Variants in ATRNL1 observed in about 807,000 individuals in gnomAD.
ATRNL1 encodes attractin like 1, also known as attractin-like protein 1.
A neutral mutation model predicts 182.7 loss-of-function variants in ATRNL1; 95 were observed. The ratio of observed to expected loss-of-function variants is 0.52; its 90% CI spans 0.44 to 0.62. ATRNL1 has a LOEUF of 0.62. Among genes scored for constraint, ATRNL1 ranks in the 20% least tolerant of loss-of-function variants. ATRNL1 has a pLI of 0.00. For synonymous variants in ATRNL1, 576 were observed against 568.3 expected (o/e 1.01, Z -0.19); for missense variants, 1,471 against 1,679.5 (o/e 0.88, Z 2.17).
chr10:115,405,274 G>C (rs1008957788), intron 20 of ATRNL1, among the ~76,000 whole-genome samples: 2 of 152,072 alleles, frequency 1.3e-5, no homozygotes, highest in Admixed American at 6.6e-5. Context: ...AAATATATCT[G>C]GTATATGTGT....
At chr10:115,491,913 G>A (rs549433883) in intron 24 of ATRNL1, among the ~76,000 whole-genome samples, 8 of 152,316 alleles carry the variant, frequency 5.3e-5, no homozygotes, top group Middle Eastern at 3.4e-3. Context: ...TGCTGGTTGC[G>A]TAGACTGTGG....
chr10:115,265,085 C>A (rs1851551273), intron 10 of ATRNL1, 108 bp from the exon 11 acceptor site: 1 of 557,438 alleles, frequency 1.8e-6, no homozygotes, highest in Non-Finnish European at 3.0e-6. Flanking sequence ...TTTTTTGCTT[C>A]CTGCTTATGC....
chr10:115,692,279 C>G (rs544037880), intron 26 of ATRNL1, among the ~76,000 whole-genome samples: 1 of 152,242 alleles, frequency 6.6e-6, no homozygotes, highest in Admixed American at 6.5e-5. Flanking sequence ...CTTTGAGGAT[C>G]TAATTGCAGA....
intron 5 of ATRNL1, among the ~76,000 whole-genome samples, chr10:115,152,644 A>G (rs1291796615): frequency 6.6e-6 from 1 of 152,220 alleles, no homozygotes; most frequent in African/African-American, 2.4e-5. Context: ...TAAATATACA[A>G]TCATGTCATC....
intron 28 of ATRNL1, among the ~76,000 whole-genome samples, chr10:115,928,699 G>A (rs561877673): frequency 3.3e-5 from 5 of 151,852 alleles, no homozygotes; most frequent in Admixed American, 1.3e-4. Context: ...AAGTAAAACA[G>A]ATTTTTTTTA....
intron 21 of ATRNL1, among the ~76,000 whole-genome samples, chr10:115,445,002 A>T (rs1846889418): frequency 6.6e-6 from 1 of 151,776 alleles, no homozygotes; most frequent in African/African-American, 2.4e-5. Flanking sequence ...AAGTGCTGGG[A>T]TTACAGGCTT....
At chr10:115,136,891 A>G (rs1845538697) in intron 5 of ATRNL1, among the ~76,000 whole-genome samples, 1 of 152,204 alleles carries the variant, frequency 6.6e-6, no homozygotes, top group Non-Finnish European at 1.5e-5. Flanking sequence ...AAATTTTAGT[A>G]AGTCACCTGA....
At chr10:115,658,872 C>A (rs11197387) in intron 26 of ATRNL1, among the ~76,000 whole-genome samples, 1,773 of 152,208 alleles carry the variant, frequency 0.012, 36 homozygotes, top group African/African-American at 0.04. Context: ...ATGGCTGTGG[C>A]GGCCTCGGGA....
At chr10:115,583,610 A>G (rs185961413) in intron 26 of ATRNL1, among the ~76,000 whole-genome samples, 2,760 of 131,934 alleles carry the variant, frequency 0.021, 168 homozygotes, top group East Asian at 0.15. Flanking sequence ...TGTATCCTGA[A>G]ACTTCGCTGA....
intron 25 of ATRNL1, among the ~76,000 whole-genome samples, chr10:115,537,517 G>C (rs1852101491): frequency 6.6e-6 from 1 of 152,050 alleles, no homozygotes. Flanking sequence ...TATATTATAT[G>C]TAAATTAGCC....
intron 26 of ATRNL1, among the ~76,000 whole-genome samples, chr10:115,601,544 T>C (rs1050286272): frequency 9.2e-5 from 14 of 152,194 alleles, no homozygotes; most frequent in Non-Finnish European, 2.1e-4. Flanking sequence ...TCATGTACTT[T>C]GAAGTTTTGC....
At chr10:115,179,384 T>C (rs1554887479) in intron 8 of ATRNL1, among the ~76,000 whole-genome samples, 1 of 152,078 alleles carries the variant, frequency 6.6e-6, no homozygotes, top group African/African-American at 2.4e-5. Context: ...TGTTGCTTTA[T>C]TGAAGGCTGA....
intron 1 of ATRNL1, among the ~76,000 whole-genome samples, chr10:115,094,980 A>C (rs1445928299): frequency 3.9e-5 from 6 of 152,192 alleles, no homozygotes; most frequent in Admixed American, 6.5e-5. Context: ...TTTGAAGCTC[A>C]AGGAGCCTAA....
chr10:115,826,408 G>A (rs995809266), intron 27 of ATRNL1, among the ~76,000 whole-genome samples: 1 of 152,032 alleles, frequency 6.6e-6, no homozygotes, highest in East Asian at 1.9e-4. Flanking sequence ...AAGAGGGAGG[G>A]TTACATCTTT....
At chr10:115,865,731 G>C (rs909430744) in intron 28 of ATRNL1, among the ~76,000 whole-genome samples, 1 of 152,118 alleles carries the variant, frequency 6.6e-6, no homozygotes, top group African/African-American at 2.4e-5. Context: ...TTTAGAGCCA[G>C]GTCTGTGTGA....
At chr10:115,370,447 A>G (rs550710369) in intron 19 of ATRNL1, among the ~76,000 whole-genome samples, 122 of 152,326 alleles carry the variant, frequency 8.0e-4, no homozygotes, top group African/African-American at 2.6e-3. Context: ...AATGATATGG[A>G]CAATGAAATC....
intron 8 of ATRNL1, among the ~76,000 whole-genome samples, chr10:115,175,762 T>C (rs1442714048): frequency 6.6e-6 from 1 of 152,168 alleles, no homozygotes; most frequent in Non-Finnish European, 1.5e-5. Context: ...ATTTTGAATT[T>C]GCTGCTTACA....
chr10:115,677,925 G>T (rs930616674), intron 26 of ATRNL1, among the ~76,000 whole-genome samples: 1 of 152,036 alleles, frequency 6.6e-6, no homozygotes, highest in Non-Finnish European at 1.5e-5. Context: ...ATCGGGCATA[G>T]TTTCATGGGG....
rs1554877256 is a variant in ATRNL1, at chr10:115,138,559, C to T, written c.829+9024C>T. Among the ~76,000 whole-genome samples, 5 of 152,252 alleles carry T rather than the reference C, an allele frequency of 3.3e-5. 1 individual carries two copies. The South Asian group carries it at 6.2e-4, about 19-fold the overall frequency. On this transcript the variant is annotated intron_variant, in intron 5 of 28. Transcript: ENST00000355044. The stretch of plus-strand genomic sequence containing the variant: ...GCTGCCAAGGCCTGGGGCTTCCACC[C>T]TCTGAAGCAACATCCAGAACTGTAC...
Sources: gnomAD v4.1 joint callset for allele counts (sites outside exome capture counted in the v4.1 genomes callset) on GRCh38, gnomAD v4.1.1 for gene constraint, MANE v1.5 for transcripts, NCBI Gene and HGNC (gene_info 2026-07-23, HGNC 2026-07-21) for gene names.